Variants in GABPB2 observed in about 807,000 individuals in gnomAD.
GABPB2 encodes the protein GA binding protein transcription factor subunit beta 2.
GABPB2 carries 23 observed loss-of-function variants against 39.1 expected under a neutral mutation model. The observed-to-expected ratio is 0.59, with a 90% CI of 0.42 to 0.83. The LOEUF is 0.83. Ranked by LOEUF, GABPB2 falls within the 40% of genes least tolerant of loss-of-function variation. The pLI, the probability that GABPB2 is intolerant of heterozygous loss-of-function variation, is 0.00. For missense variants in GABPB2, 467 were observed against 541.1 expected, an observed-to-expected ratio of 0.86 and a Z score of 1.36; for synonymous variants, 184 against 199.3, an observed-to-expected ratio of 0.92 and a Z score of 0.65.
intron 4 of GABPB2, among the ~76,000 whole-genome samples, chr1:151,095,040 G>A (rs1571936214): frequency 1.3e-5 from 2 of 149,934 alleles, no homozygotes; most frequent in East Asian, 2.0e-4. Flanking sequence ...AGGACATGAA[G>A]TGTTGAAAGC....
intron 1 of GABPB2, among the ~76,000 whole-genome samples, chr1:151,084,715 T>C (rs1325299053): frequency 1.3e-5 from 2 of 150,130 alleles, no homozygotes; most frequent in South Asian, 2.1e-4. Context: ...TTTGTATCTT[T>C]AGTAGAGATG....
At chr1:151,111,500 G>T (rs1260507420) in intron 7 of GABPB2, among the ~76,000 whole-genome samples, 1 of 150,748 alleles carries the variant, frequency 6.6e-6, no homozygotes, top group Admixed American at 6.6e-5. Flanking sequence ...TCGGCTCACC[G>T]CAAGCTCCAC....
intron 3 of GABPB2, among the ~76,000 whole-genome samples, chr1:151,091,589 C>T (rs1213661259): frequency 6.6e-6 from 1 of 151,630 alleles, no homozygotes; most frequent in Non-Finnish European, 1.5e-5. Flanking sequence ...ATTCTCCTAC[C>T]TCAGCCTCCC....
At position 151,125,157 on chromosome 1, in the gene GABPB2, C is replaced by T. The variant is rs1025299491; in HGVS notation, c.*6901C>T. ...GTTAATCTAGGTCACCTTCTATATC[C>T]TGTGCTTTCTAGTTGGCTTTAGACA... On this transcript the variant is annotated 3_prime_UTR_variant, in exon 9 of 9. Transcript: ENST00000368918. 4 of 152,060 alleles carry T rather than the reference C, an allele frequency of 2.6e-5. No individual in the cohort carries two copies. Among genetic ancestry groups the T allele is most frequent in the Non-Finnish European group, 5.9e-5 (4 of 68,030 alleles). 9.4% of individuals were successfully genotyped at this position (152,060 alleles called of 1,614,324 possible). A position where few individuals can be genotyped will look rare whatever the true frequency, so the allele number is the denominator to read the frequency against.
intron 1 of GABPB2, among the ~76,000 whole-genome samples, chr1:151,080,040 C>A (rs879393218): frequency 6.6e-6 from 1 of 151,508 alleles, no homozygotes; most frequent in African/African-American, 2.4e-5. Context: ...GGTGGTGAAA[C>A]CCCATCTCTA....
rs762794093 is a variant in GABPB2, at chr1:151,107,142, C to T, written c.842C>T (p.Pro281Leu). ...RVITIVTDGV[P>L]LGNIQTSIPT... ...ATCACCATAGTGACTGATGGAGTCC[C>T]TCTGGGTAATATCCAAACTTCAATC... Residue 281 changes from proline (P) to leucine (L), a missense_variant, in exon 7 of 9, where the codon CCT becomes CTT. By Grantham distance (98) the Pro-to-Leu change is moderately conservative. Coordinates refer to ENST00000368918, the MANE Select transcript of GABPB2 (RefSeq NM_144618.3). 4 of 1,613,426 alleles carry T rather than the reference C, an allele frequency of 2.5e-6. No homozygotes were observed. The highest frequency in any genetic ancestry group is 3.4e-6 in the Non-Finnish European group (4 of 1,179,680).
Position 151,121,013 on chromosome 1 carries a change from C to T in GABPB2, c.*2757C>T, listed in dbSNP as rs1266665644. ...TCAGGTGATCCACCCGCCTTGGCCTCCCAAAATGCTGAGATTACAGGCGTG... is the reference window on the plus strand; with the variant it reads ...TCAGGTGATCCACCCGCCTTGGCCTTCCAAAATGCTGAGATTACAGGCGTG... On this transcript the variant is annotated 3_prime_UTR_variant, in exon 9 of 9. Coordinates refer to ENST00000368918, the MANE Select transcript of GABPB2 (RefSeq NM_144618.3). 1 of 152,164 alleles carries T rather than the reference C, an allele frequency of 6.6e-6. No homozygotes were observed. Among genetic ancestry groups the T allele is most frequent in the Non-Finnish European group, 1.5e-5 (1 of 68,054 alleles). 9.4% of individuals were successfully genotyped at this position (152,164 alleles called of 1,614,324 possible). A position where few individuals can be genotyped will look rare whatever the true frequency, so the allele number is the denominator to read the frequency against.
chr1:151,111,248 C>CTT (rs71090131), intron 7 of GABPB2, among the ~76,000 whole-genome samples: 3 of 142,660 alleles, frequency 2.1e-5, no homozygotes, highest in Non-Finnish European at 3.1e-5. Context: ...TTTTTTTTTT[C>CTT]TTTTTTTTTT....
At chr1:151,099,084 C>CAA (rs200277830) in intron 5 of GABPB2, among the ~76,000 whole-genome samples, 2 of 110,632 alleles carry the variant, frequency 1.8e-5, no homozygotes, top group Admixed American at 9.0e-5. Flanking sequence ...AACTTCATCT[C>CAA]AAAAAAAAAA....
chr1:151,114,324 CAG>C (rs755421252), intron 7 of GABPB2, among the ~76,000 whole-genome samples: 16 of 151,884 alleles, frequency 1.1e-4, no homozygotes, highest in Non-Finnish European at 2.1e-4. Context: ...ACCTGGGTAA[CAG>C]AGTGAGACTC....
intron 7 of GABPB2, 105 bp from the exon 8 acceptor site, chr1:151,117,287 C>A: frequency 8.0e-7 from 1 of 1,253,520 alleles, no homozygotes; most frequent in South Asian, 1.4e-5. Flanking sequence ...CACCACTGTA[C>A]CCAACCTAGA....
At chr1:151,078,076 G>A (rs587688758) in intron 1 of GABPB2, among the ~76,000 whole-genome samples, 3 of 149,640 alleles carry the variant, frequency 2.0e-5, no homozygotes, top group African/African-American at 7.4e-5. Context: ...TTCAAGCCTC[G>A]CCTGACCAAC....
chr1:151,090,999 AAAC>A (rs760348465), intron 3 of GABPB2, among the ~76,000 whole-genome samples: 19 of 150,898 alleles, frequency 1.3e-4, no homozygotes, highest in Non-Finnish European at 2.5e-4. Context: ...ATCCGTCTCA[AAAC>A]AAAACAAAAC....
chr1:151,104,771 T>C (rs1037163166), intron 6 of GABPB2, among the ~76,000 whole-genome samples: 9 of 107,938 alleles, frequency 8.3e-5, no homozygotes, highest in East Asian at 2.4e-4. Flanking sequence ...CTTTCTTTCT[T>C]TCTCTCTTTC....
chr1:151,073,549 TC>T (rs1232169876), intron 1 of GABPB2, among the ~76,000 whole-genome samples: 2 of 152,184 alleles, frequency 1.3e-5, no homozygotes, highest in African/African-American at 4.8e-5. Flanking sequence ...GGCATATAGT[TC>T]CCCTCAAAAT....
intron 1 of GABPB2, among the ~76,000 whole-genome samples, chr1:151,083,655 T>TTATA (rs57774210): frequency 0.063 from 9,152 of 145,540 alleles, 506 homozygotes; most frequent in African/African-American, 0.17. Context: ...AAAAAAAAAA[T>TTATA]TATATATATA....
Position 151,088,408 on chromosome 1 carries a change from T to C in GABPB2, c.108+111T>C. 3.2e-6 allele frequency: 4 copies of C among 1,245,004 alleles called. No homozygotes were observed. The South Asian group carries it at 5.4e-5, about 17-fold the overall frequency. The allele number at this position is 1,245,004 out of a possible 1,614,324, so 77.1% of individuals were successfully genotyped here. A position where few individuals can be genotyped will look rare whatever the true frequency, so the allele number is the denominator to read the frequency against. On this transcript the variant is annotated intron_variant, in intron 2 of 8. Transcript: ENST00000368918. ...TTCTTCACTCCCTTTCTACCTCATA[T>C]CCCTTACAAGAGTTTTATTTTCTTT...
intron 1 of GABPB2, among the ~76,000 whole-genome samples, chr1:151,075,287 G>A (rs748391488): frequency 7.3e-5 from 11 of 151,110 alleles, no homozygotes; most frequent in African/African-American, 2.2e-4. Flanking sequence ...AAAATTGGCC[G>A]GGCACGGTGG....
intron 5 of GABPB2, among the ~76,000 whole-genome samples, chr1:151,100,996 G>A (rs1471349900): frequency 6.6e-6 from 1 of 152,018 alleles, no homozygotes; most frequent in Admixed American, 6.6e-5. Flanking sequence ...TATAATCTCA[G>A]CACTTTGGGA....
Sources: gnomAD v4.1 joint callset for allele counts (sites outside exome capture counted in the v4.1 genomes callset) on GRCh38, gnomAD v4.1.1 for gene constraint, MANE v1.5 for transcripts, NCBI Gene and HGNC (gene_info 2026-07-23, HGNC 2026-07-21) for gene names.